WBP1L: variants seen among roughly 807,000 people sequenced by gnomAD.
WBP1L encodes the protein WW domain binding protein 1 like, also known as WW domain binding protein 1-like.
In WBP1L, 17 loss-of-function variants were observed where a neutral mutation model predicts 33.7. That is an observed-to-expected ratio of 0.50 (90% CI 0.34 to 0.76). The LOEUF (loss-of-function observed/expected upper bound fraction) is 0.76. WBP1L is among the 30% of genes least tolerant of loss of function. The pLI is 0.01. For synonymous variants in WBP1L, 173 were observed against 190.8 expected (o/e 0.91, Z 0.77); for missense variants, 389 against 469.4 (o/e 0.83, Z 1.58).
In WBP1L at chr10:102,804,960, GAAAAC is replaced by G. The variant is rs58622505; in HGVS notation, c.194-4908_194-4904del. Among the ~76,000 whole-genome samples, 34 of 151,916 alleles carry G rather than the reference GAAAAC, an allele frequency of 2.2e-4. 1 individual carries two copies. Among genetic ancestry groups the G allele is most frequent in the South Asian group, 8.4e-4 (4 of 4,790 alleles). ...TGCATGAGATTTTCTTTAAAACGGGGAAAACAAAACAAAACAAAACAAAACAAAAA... is the reference window on the plus strand; with the variant it reads ...TGCATGAGATTTTCTTTAAAACGGGGAAAACAAAACAAAACAAAACAAAAA... On this transcript the variant is annotated intron_variant, in intron 2 of 3. Transcript: ENST00000448841.
intron 1 of WBP1L, among the ~76,000 whole-genome samples, chr10:102,760,265 C>T (rs991588570): frequency 6.6e-5 from 10 of 151,950 alleles, no homozygotes; most frequent in Admixed American, 1.3e-4. Context: ...AAACTGGGCT[C>T]GGTCAGGGCT....
chr10:102,744,087 C>G lies in WBP1L; in HGVS notation c.34C>G (p.Leu12Val). The G allele has an allele frequency of 1.3e-6, 2 of 1,551,898 alleles. No homozygotes were observed. Among genetic ancestry groups the G allele is most frequent in the Non-Finnish European group, 1.7e-6 (2 of 1,148,120 alleles). Residue 12 changes from leucine (L) to valine (V), a missense_variant, in exon 1 of 4, where the codon CTC becomes GTC. Transcript: ENST00000448841. ...GAGAAGGCTCCTGGGTGGCATGGCG[C>G]TCCTGCTCCTCCAGGCGCTGCCCAG... Reference protein sequence around the residue: ...ERRRLLGGMALLLLQALPSPL... With the variant: ...ERRRLLGGMAVLLLQALPSPL...
At chr10:102,793,666 C>T (rs1843533629) in intron 1 of WBP1L, among the ~76,000 whole-genome samples, 1 of 152,070 alleles carries the variant, frequency 6.6e-6, no homozygotes, top group Non-Finnish European at 1.5e-5. Context: ...AATAGTGGCT[C>T]ACAGAATAAT....
intron 1 of WBP1L, among the ~76,000 whole-genome samples, chr10:102,760,418 C>G (rs1843023788): frequency 6.8e-6 from 1 of 147,264 alleles, no homozygotes; most frequent in Non-Finnish European, 1.5e-5. Flanking sequence ...CTCTTGTAGC[C>G]CAGGCTGGAG....
chr10:102,777,033 A>C (rs1203239175), intron 1 of WBP1L, among the ~76,000 whole-genome samples: 1 of 152,072 alleles, frequency 6.6e-6, no homozygotes, highest in African/African-American at 2.4e-5. Flanking sequence ...TTGCTCGGTG[A>C]GCCGCCCTTT....
intron 1 of WBP1L, among the ~76,000 whole-genome samples, chr10:102,746,471 G>A (rs1842865348): frequency 6.6e-6 from 1 of 151,834 alleles, no homozygotes; most frequent in Non-Finnish European, 1.5e-5. Flanking sequence ...TTATACTCCT[G>A]TCTCTTTCTG....
chr10:102,755,970 G>T (rs997565861), intron 1 of WBP1L, among the ~76,000 whole-genome samples: 1 of 151,580 alleles, frequency 6.6e-6, no homozygotes, highest in African/African-American at 2.4e-5. Context: ...GCATGAACCC[G>T]GGAGGCAGAG....
intron 1 of WBP1L, among the ~76,000 whole-genome samples, chr10:102,780,003 G>T (rs1478049036): frequency 1.3e-5 from 2 of 152,068 alleles, no homozygotes; most frequent in East Asian, 3.9e-4. Context: ...CTTGAGTCTT[G>T]GCATTGAATT....
chr10:102,749,438 A>G (rs1842902547), intron 1 of WBP1L, among the ~76,000 whole-genome samples: 1 of 150,196 alleles, frequency 6.7e-6, no homozygotes. Flanking sequence ...ACCTGGCCCT[A>G]TATTTAATTT....
At chr10:102,811,466 A>G (rs573789512) in intron 3 of WBP1L, among the ~76,000 whole-genome samples, 2 of 152,290 alleles carry the variant, frequency 1.3e-5, no homozygotes, top group African/African-American at 4.8e-5. Flanking sequence ...GCCAGTCTAC[A>G]GTGTATTCTA....
In WBP1L at chr10:102,813,424, G is replaced by C. The variant is rs1161972709; in HGVS notation, c.*93G>C. 2 of 1,456,064 alleles carry C rather than the reference G, an allele frequency of 1.4e-6. No individual in the cohort carries two copies. The highest frequency in any genetic ancestry group is 1.8e-6 in the Non-Finnish European group (2 of 1,099,434). The allele number at this position is 1,456,064 out of a possible 1,614,324, so 90.2% of individuals were successfully genotyped here. A position where few individuals can be genotyped will look rare whatever the true frequency, so the allele number is the denominator to read the frequency against. ...ATTAAGTGACTTTCAAAGACTTTCA[G>C]AGTACAGCCACTTGGTTCCTTTTTG... is the stretch of plus-strand genomic sequence containing the variant. On this transcript the variant is annotated 3_prime_UTR_variant, in exon 4 of 4. Transcript: ENST00000448841.
intron 1 of WBP1L, among the ~76,000 whole-genome samples, chr10:102,757,734 G>T (rs1335666722): frequency 1.3e-5 from 2 of 151,222 alleles, no homozygotes; most frequent in African/African-American, 2.4e-5. Flanking sequence ...GCACCATTAT[G>T]CCCAGCTAAT....
At chr10:102,763,596 G>A (rs879365401) in intron 1 of WBP1L, among the ~76,000 whole-genome samples, 1 of 152,066 alleles carries the variant, frequency 6.6e-6, no homozygotes, top group Non-Finnish European at 1.5e-5. Context: ...TCTCCCCCTG[G>A]GCATTCTTCA....
At chr10:102,806,144 C>T (rs989171152) in intron 2 of WBP1L, among the ~76,000 whole-genome samples, 2 of 150,988 alleles carry the variant, frequency 1.3e-5, no homozygotes, top group African/African-American at 2.4e-5. Flanking sequence ...GCCTGGGAGG[C>T]GGAGGTTGCA....
chr10:102,793,994 C>T (rs1171317936), intron 1 of WBP1L, among the ~76,000 whole-genome samples: 1 of 152,160 alleles, frequency 6.6e-6, no homozygotes, highest in African/African-American at 2.4e-5. Flanking sequence ...TGGTCTCAAA[C>T]TCCTGGGCTC....
At chr10:102,812,163 A>T (rs1021472881) in intron 3 of WBP1L, among the ~76,000 whole-genome samples, 1 of 152,182 alleles carries the variant, frequency 6.6e-6, no homozygotes, top group African/African-American at 2.4e-5. Flanking sequence ...AGTAGTTAAG[A>T]AGTCTGAAGT....
In WBP1L at chr10:102,776,370, TG is replaced by T. The variant is rs1433785869; in HGVS notation, c.91-21622del. ...TAAGAGCCCTTTGTTCCAACGTTAG[TG>T]TGGACGATGCTCTTGCAGGATGCCT... is the stretch of plus-strand genomic sequence containing the variant. On this transcript the variant is annotated intron_variant, in intron 1 of 3. Coordinates refer to ENST00000448841, the MANE Select transcript of WBP1L (RefSeq NM_001083913.2). 3 of 1,614,030 alleles carry T rather than the reference TG, an allele frequency of 1.9e-6. No homozygotes were observed. In the African/African-American group the frequency reaches 4.0e-5, roughly 22 times the overall value.
chr10:102,792,793 C>T (rs750559032), intron 1 of WBP1L, among the ~76,000 whole-genome samples: 50 of 152,138 alleles, frequency 3.3e-4, no homozygotes, highest in Non-Finnish European at 6.3e-4. Flanking sequence ...CGGGGTTTCT[C>T]CATGCTGGTC....
rs1843147567 is a variant in WBP1L at position 102,768,830 on chromosome 10, G to A, written c.90+24687G>A. On this transcript the variant is annotated intron_variant, in intron 1 of 3. Coordinates refer to ENST00000448841, the MANE Select transcript of WBP1L (RefSeq NM_001083913.2). ...AGCCTCCCAAGTAGCTGGGACTACA[G>A]GTGCCTGCCACCACGCCCGGCTAAT... 2.6e-5 allele frequency among the ~76,000 whole-genome samples: 4 copies of A among 150,976 alleles called. 1 individual carries two copies. In the South Asian group the frequency reaches 8.4e-4, roughly 32 times the overall value.
Sources: allele counts gnomAD v4.1 joint callset (sites outside exome capture counted in the v4.1 genomes callset), GRCh38; gene constraint gnomAD v4.1.1; transcripts MANE v1.5; gene names NCBI Gene and HGNC (gene_info 2026-07-23, HGNC 2026-07-21).